Variants in IL1RAPL2 observed in about 807,000 individuals in gnomAD.
IL1RAPL2 encodes the protein X-linked interleukin-1 receptor accessory protein-like 2.
IL1RAPL2 carries 3 observed loss-of-function variants against 44.1 expected under a neutral mutation model. That is an observed-to-expected ratio of 0.07 (90% CI 0.03 to 0.18). The LOEUF is 0.18. IL1RAPL2 is among the 10% of genes least tolerant of loss of function. The pLI is 1.00. For synonymous variants in IL1RAPL2, 181 were observed against 178.8 expected (o/e 1.01, Z -0.10); for missense variants, 391 against 496.4 (o/e 0.79, Z 2.02).
chrX:104,860,786 T>A (rs1189603249), intron 2 of IL1RAPL2, among the ~76,000 whole-genome samples: 1 of 111,053 alleles, frequency 9.0e-6, no homozygotes, highest in African/African-American at 3.3e-5. Flanking sequence ...AAATAAAGAA[T>A]CTTGGTGGGG....
At chrX:105,584,767 G>A (rs142525960) in intron 6 of IL1RAPL2, among the ~76,000 whole-genome samples, 1,838 of 111,119 alleles carry the variant, frequency 0.017, 33 homozygotes, top group African/African-American at 0.057. Context: ...TCTTTTGAGA[G>A]TCTTGATCAC....
intron 2 of IL1RAPL2, among the ~76,000 whole-genome samples, chrX:104,982,934 A>G (rs780221602): frequency 9.0e-6 from 1 of 110,840 alleles, no homozygotes; most frequent in Non-Finnish European, 1.9e-5. Flanking sequence ...TTTTTATTTT[A>G]CATGTGATGC....
intron 5 of IL1RAPL2, among the ~76,000 whole-genome samples, chrX:105,410,851 A>G (rs188761789): frequency 2.7e-5 from 3 of 111,709 alleles, no homozygotes; most frequent in Admixed American, 1.9e-4. Flanking sequence ...ATCAGTATAG[A>G]TAATTCCAAA....
At chrX:105,530,518 T>C (rs989547637) in intron 6 of IL1RAPL2, among the ~76,000 whole-genome samples, 1 of 111,538 alleles carries the variant, frequency 9.0e-6, no homozygotes, top group Non-Finnish European at 1.9e-5. Context: ...TACAGGAATG[T>C]AATATGTAAT....
intron 6 of IL1RAPL2, among the ~76,000 whole-genome samples, chrX:105,534,193 A>C (rs2036661388): frequency 1.8e-5 from 2 of 111,986 alleles, no homozygotes; most frequent in Non-Finnish European, 3.8e-5. Context: ...TTACACTCTT[A>C]GGAATTTTGC....
chrX:105,446,214 A>T (rs1049774594), intron 5 of IL1RAPL2, among the ~76,000 whole-genome samples: 1 of 109,713 alleles, frequency 9.1e-6, no homozygotes, highest in Non-Finnish European at 1.9e-5. Flanking sequence ...AGCTATTCCT[A>T]CTCTTTTCTG....
intron 2 of IL1RAPL2, among the ~76,000 whole-genome samples, chrX:104,717,445 TAAA>T (rs767384557): frequency 2.4e-4 from 20 of 83,524 alleles, no homozygotes; most frequent in Admixed American, 6.8e-4. Flanking sequence ...ACTTAAAAGT[TAAA>T]AAAAAAAAAA....
chrX:104,928,810 A>G (rs1268296416), intron 2 of IL1RAPL2, among the ~76,000 whole-genome samples: 5 of 111,210 alleles, frequency 4.5e-5, no homozygotes, highest in Non-Finnish European at 9.4e-5. Context: ...ATGGGGAAAA[A>G]TTGGGCTTCT....
chrX:105,651,464 T>C (rs1301154834), intron 6 of IL1RAPL2, among the ~76,000 whole-genome samples: 1 of 112,146 alleles, frequency 8.9e-6, no homozygotes, highest in Admixed American at 9.4e-5. Flanking sequence ...TTGTGTGAGA[T>C]GGCTGAGGTG....
chrX:105,402,493 G>A (rs899112677), intron 5 of IL1RAPL2, among the ~76,000 whole-genome samples: 2 of 111,148 alleles, frequency 1.8e-5, no homozygotes, highest in African/African-American at 6.5e-5. Context: ...GTATCTTTTT[G>A]TTCATATCTT....
intron 2 of IL1RAPL2, among the ~76,000 whole-genome samples, chrX:105,080,317 T>C (rs2032385694): frequency 8.9e-6 from 1 of 112,343 alleles, no homozygotes; most frequent in Non-Finnish European, 1.9e-5. Flanking sequence ...TGAATGTTAT[T>C]GCCTAGGTTT....
intron 2 of IL1RAPL2, among the ~76,000 whole-genome samples, chrX:104,721,908 T>G (rs1406255795): frequency 9.0e-6 from 1 of 111,453 alleles, no homozygotes; most frequent in African/African-American, 3.3e-5. Flanking sequence ...TGTATAGGAA[T>G]TGGAGTGTAC....
At chrX:105,504,163 C>T (rs1177119182) in intron 6 of IL1RAPL2, among the ~76,000 whole-genome samples, 1 of 111,369 alleles carries the variant, frequency 9.0e-6, no homozygotes, top group African/African-American at 3.3e-5. Context: ...ATCTGAATGC[C>T]TGGATATTTA....
Position 105,717,353 on chromosome X carries a change from TC to T in IL1RAPL2, c.773-13del. On this transcript the variant is annotated splice_polypyrimidine_tract_variant and intron_variant, in intron 6 of 10. Coordinates refer to ENST00000372582, the MANE Select transcript of IL1RAPL2 (RefSeq NM_017416.2). Reference sequence around the variant, plus strand: ...CAGGAGTCATTTGCTCATTTCTTTTTCTCTCATTCTCAGGTAAGCCTCTGAA... The same window carrying T: ...CAGGAGTCATTTGCTCATTTCTTTTTTCTCATTCTCAGGTAAGCCTCTGAA... The T allele has an allele frequency of 1.7e-6, 2 of 1,168,930 alleles. No homozygotes were observed. The highest frequency in any genetic ancestry group is 4.0e-5 in the South Asian group (2 of 49,977).
At chrX:104,626,749 C>T (rs780460138) in intron 1 of IL1RAPL2, among the ~76,000 whole-genome samples, 1 of 109,928 alleles carries the variant, frequency 9.1e-6, no homozygotes, top group Non-Finnish European at 1.9e-5. Context: ...ATAGGTAATG[C>T]AATTGATTAA....
intron 5 of IL1RAPL2, among the ~76,000 whole-genome samples, chrX:105,309,657 G>A (rs1244617625): frequency 9.2e-6 from 1 of 109,281 alleles, no homozygotes; most frequent in Non-Finnish European, 1.9e-5. Context: ...GCTTGAGCCT[G>A]GGAGGTGGAT....
At chrX:104,818,666 A>G (rs960838288) in intron 2 of IL1RAPL2, among the ~76,000 whole-genome samples, 6 of 111,734 alleles carry the variant, frequency 5.4e-5, no homozygotes, top group Admixed American at 9.5e-5. Context: ...ACATAGAAAC[A>G]TCAATTGAAT....
chrX:104,667,042 C>A (rs1025481157), intron 2 of IL1RAPL2, among the ~76,000 whole-genome samples: 5 of 111,027 alleles, frequency 4.5e-5, no homozygotes, highest in African/African-American at 1.6e-4. Flanking sequence ...CAATGACCTT[C>A]CCCCAGGCTA....
intron 1 of IL1RAPL2, among the ~76,000 whole-genome samples, chrX:104,607,888 CA>C (rs1343146995): frequency 8.9e-6 from 1 of 111,791 alleles, no homozygotes; most frequent in Non-Finnish European, 1.9e-5. Context: ...GGTATACACC[CA>C]AACGATTATA....
Sources: allele counts gnomAD v4.1 joint callset (sites outside exome capture counted in the v4.1 genomes callset), GRCh38; gene constraint gnomAD v4.1.1; transcripts MANE v1.5; gene names NCBI Gene and HGNC (gene_info 2026-07-23, HGNC 2026-07-21).